TMEM176B: variants seen among roughly 807,000 people sequenced by gnomAD.
TMEM176B encodes the protein LR8-like protein.
Under a neutral mutation model 30.3 loss-of-function variants are expected in TMEM176B, and 28 were observed. The ratio of observed to expected loss-of-function variants is 0.92; its 90% confidence interval spans 0.68 to 1.27. The LOEUF (loss-of-function observed/expected upper bound fraction) is 1.27, where lower values mean the gene tolerates loss of function less well. TMEM176B is among the 50% of genes most tolerant of loss of function. The pLI is 0.00. For missense variants in TMEM176B, 349 were observed against 327.4 expected, an observed-to-expected ratio of 1.07 and a Z score of -0.51; for synonymous variants, 123 against 130.3, an observed-to-expected ratio of 0.94 and a Z score of 0.38.
In TMEM176B at chr7:150,793,991, GGCACTCA is replaced by G; in HGVS notation, c.278_284del (p.Leu93ProfsTer12). On this transcript the variant is annotated frameshift_variant, in exon 3 of 7. Coordinates refer to ENST00000326442, the MANE Select transcript of TMEM176B (RefSeq NM_001101312.2). LOFTEE classifies it high-confidence loss of function. ...ACCCCGCCCAGAAGGCACAGCCTGAGGCACTCAGCACAGTCCAGGGCCCCAAGCTGAG... is the reference window on the plus strand; with the variant it reads ...ACCCCGCCCAGAAGGCACAGCCTGAGGCACAGTCCAGGGCCCCAAGCTGAG... The G allele has an allele frequency of 6.2e-7, 1 of 1,613,008 alleles. No homozygotes were observed. The highest frequency in any genetic ancestry group is 8.5e-7 in the Non-Finnish European group (1 of 1,179,582).
chr7:150,798,192 T>C (rs1798599353), intron 1 of TMEM176B, among the ~76,000 whole-genome samples: 3 of 152,332 alleles, frequency 2.0e-5, no homozygotes, highest in African/African-American at 7.2e-5. Context: ...CCCCAACCAC[T>C]GGCCATGAGC....
chr7:150,791,577 G>A lies in TMEM176B; in HGVS notation c.767C>T (p.Pro256Leu), dbSNP rs749765056. The A allele has an allele frequency of 9.3e-6, 15 of 1,613,976 alleles. No homozygotes were observed. Among genetic ancestry groups the A allele is most frequent in the Non-Finnish European group, 1.3e-5 (15 of 1,179,976 alleles). Residue 256 changes from proline (P) to leucine (L), a missense_variant, in exon 7 of 7, where the codon CCC becomes CTC. Transcript: ENST00000326442. ...EKRLLGENSV[P>L]PSPSREQTST... ...GGTCTGCTCCCTAGAGGGCGAAGGGGGCACTGAATTCTCCCCCAGTAGCCT... is the reference window on the plus strand; with the variant it reads ...GGTCTGCTCCCTAGAGGGCGAAGGGAGCACTGAATTCTCCCCCAGTAGCCT...
Position 150,792,300 on chromosome 7 carries a change from G to C in TMEM176B, c.601-125C>G, listed in dbSNP as rs1286098458. On this transcript the variant is annotated intron_variant, in intron 5 of 6. Transcript: ENST00000326442. ...CTTGCTGCTCCCACCACAGCTGACTGTGTTTCCAGCCACAGCTTCCATCCC... is the reference window on the plus strand; with the variant it reads ...CTTGCTGCTCCCACCACAGCTGACTCTGTTTCCAGCCACAGCTTCCATCCC... 2.3e-6 allele frequency: 3 copies of C among 1,295,462 alleles called. No individual in the cohort carries two copies. The African/African-American group carries it at 4.4e-5, about 19-fold the overall frequency. The allele number at this position is 1,295,462 out of a possible 1,614,324, so 80.2% of individuals were successfully genotyped here.
intron 3 of TMEM176B, 29 bp downstream of exon 3, chr7:150,793,932 T>A (rs1421462679): frequency 6.5e-7 from 1 of 1,549,228 alleles, no homozygotes; most frequent in Non-Finnish European, 8.7e-7. Context: ...CTTGCCTCCC[T>A]CCAGGCTCAC....
chr7:150,801,096 G>T (rs922639159), upstream of TMEM176B: 6 of 629,902 alleles, frequency 9.5e-6, no homozygotes, highest in Non-Finnish European at 1.2e-5. Flanking sequence ...GGGGATGGGG[G>T]TATCCGGAGC....
Position 150,793,601 on chromosome 7 carries a change from C to T in TMEM176B, c.316-1G>A. On this transcript the variant is annotated splice_acceptor_variant, in intron 3 of 6. Coordinates refer to ENST00000326442, the MANE Select transcript of TMEM176B (RefSeq NM_001101312.2). LOFTEE classifies it high-confidence loss of function. Reference sequence around the variant, plus strand: ...TGGCCCCAGCTCCTGCTGCGATCACCTGAAAAGAGACACCAGAAAAAGGCC... The same window carrying T: ...TGGCCCCAGCTCCTGCTGCGATCACTTGAAAAGAGACACCAGAAAAAGGCC... The T allele has an allele frequency of 6.2e-7, 1 of 1,613,306 alleles. No homozygotes were observed. The highest frequency in any genetic ancestry group is 8.5e-7 in the Non-Finnish European group (1 of 1,179,648).
At chr7:150,793,864 T>G in intron 3 of TMEM176B, 97 bp downstream of exon 3, 1 of 1,148,534 alleles carries the variant, frequency 8.7e-7, no homozygotes, top group Middle Eastern at 2.1e-4. Flanking sequence ...TCCAGAGACT[T>G]TGGTCGCTTC....
At chr7:150,796,825 GC>G (rs1340390324) in intron 1 of TMEM176B, 5 of 413,146 alleles carry the variant, frequency 1.2e-5, no homozygotes, top group Admixed American at 3.8e-5. Context: ...ACGGTGGTGT[GC>G]ACCTGTAGTC....
intron 2 of TMEM176B, among the ~76,000 whole-genome samples, chr7:150,795,536 A>G (rs1798490427): frequency 6.6e-6 from 1 of 152,036 alleles, no homozygotes; most frequent in African/African-American, 2.4e-5. Flanking sequence ...GTTCCTTCTG[A>G]TGGTCACTGA....
intron 3 of TMEM176B, 66 bp downstream of exon 3, chr7:150,793,895 C>A: frequency 2.9e-6 from 4 of 1,381,006 alleles, no homozygotes; most frequent in South Asian, 1.3e-5. Flanking sequence ...CAACCAAGAT[C>A]CATAAGCGCC....
upstream of TMEM176B, chr7:150,801,047 C>T: frequency 3.1e-6 from 3 of 956,582 alleles, no homozygotes; most frequent in Non-Finnish European, 3.7e-6. Context: ...ACCCGTCGGG[C>T]GTGAGCAGCA....
At chr7:150,798,442 AT>A (rs1312618073) in intron 1 of TMEM176B, among the ~76,000 whole-genome samples, 1 of 152,000 alleles carries the variant, frequency 6.6e-6, no homozygotes, top group African/African-American at 2.4e-5. Flanking sequence ...AGCCCAGCTA[AT>A]TTTTTGTATT....
rs2302479 is a variant in TMEM176B, at chr7:150,791,528, A to G, written c.*3T>C. On this transcript the variant is annotated 3_prime_UTR_variant, in exon 7 of 7. Transcript: ENST00000326442. Reference sequence around the variant, plus strand: ...GCGGGCACCCCGTGGGGTCTTTGGCAGCTCACAGGACAATGGCAGTGGAGG... The same window carrying G: ...GCGGGCACCCCGTGGGGTCTTTGGCGGCTCACAGGACAATGGCAGTGGAGG... The G allele has an allele frequency of 0.59, 948,410 of 1,611,452 alleles. 281,861 individuals carry two copies. The highest frequency in any genetic ancestry group is 0.78 in the African/African-American group (58,060 of 74,802).
intron 2 of TMEM176B, 28 bp downstream of exon 2, chr7:150,796,338 C>T (rs1261247531): frequency 1.1e-5 from 18 of 1,607,800 alleles, no homozygotes; most frequent in Admixed American, 1.7e-5. Context: ...TTAACGTGCC[C>T]CCCAACCCCG....
intron 1 of TMEM176B, among the ~76,000 whole-genome samples, chr7:150,798,496 C>T (rs1023950708): frequency 6.6e-6 from 1 of 152,094 alleles, no homozygotes; most frequent in Non-Finnish European, 1.5e-5. Flanking sequence ...AGGATGGTCT[C>T]GATCTCCTGA....
upstream of TMEM176B, chr7:150,801,335 G>A (rs1316344901): frequency 1.6e-5 from 8 of 491,232 alleles, no homozygotes; most frequent in South Asian, 3.3e-4. Flanking sequence ...AGGCTCTGTA[G>A]TCGCCGCAGT....
At position 150,792,167 on chromosome 7, in the gene TMEM176B, G is replaced by A; in HGVS notation, c.609C>T (p.Phe203=). Residue 203 remains phenylalanine, a synonymous_variant, in exon 6 of 7, where the codon TTC becomes TTT. Transcript: ENST00000326442. Reference sequence around the variant, plus strand: ...CCAGGAACAGGGCACGGATTGCTGTGAACAACTTCTGGAGATAAGGGAAGA... The same window carrying A: ...CCAGGAACAGGGCACGGATTGCTGTAAACAACTTCTGGAGATAAGGGAAGA... The part of the protein sequence containing the change: ...RAYMQMLRKL[F]TAIRALFLAV... The A allele has an allele frequency of 1.2e-6, 2 of 1,613,594 alleles. No homozygotes were observed. Among genetic ancestry groups the A allele is most frequent in the South Asian group, 1.1e-5 (1 of 91,020 alleles).
At position 150,796,465 on chromosome 7, in the gene TMEM176B, T is replaced by TTG; in HGVS notation, c.103_104dup (p.Gln35HisfsTer4). On this transcript the variant is annotated frameshift_variant, in exon 2 of 7. Transcript: ENST00000326442. LOFTEE classifies it high-confidence loss of function. ...TCAGAGAACCTCCAGCTTTCAGCAGTTGTGTCAAAGCTGACTCCTGGTGGA... is the reference window on the plus strand; with the variant it reads ...TCAGAGAACCTCCAGCTTTCAGCAGTTGTGTGTCAAAGCTGACTCCTGGTGGA... The TTG allele has an allele frequency of 1.2e-6, 2 of 1,614,184 alleles. No individual in the cohort carries two copies. The highest frequency in any genetic ancestry group is 2.7e-5 in the African/African-American group (2 of 75,034).
chr7:150,792,040 C>G lies in TMEM176B; in HGVS notation c.720+16G>C. 6.2e-7 allele frequency: 1 copy of G among 1,613,282 alleles called. No homozygotes were observed. The highest frequency in any genetic ancestry group is 8.5e-7 in the Non-Finnish European group (1 of 1,179,732). On this transcript the variant is annotated intron_variant, in intron 6 of 6. Transcript: ENST00000326442. ...CCAGACTCACGCTGCCCAGAGGCCC[C>G]TCCCCGACAACTCACCAGGGGCTGG...
Sources: gnomAD v4.1 joint callset for allele counts (sites outside exome capture counted in the v4.1 genomes callset) on GRCh38, gnomAD v4.1.1 for gene constraint, MANE v1.5 for transcripts, NCBI Gene and HGNC (gene_info 2026-07-23, HGNC 2026-07-21) for gene names.